Variants in ANO10 observed in about 807,000 individuals in gnomAD.
ANO10 encodes the protein anoctamin 10.
In ANO10, 77 loss-of-function variants were observed where a neutral mutation model predicts 74.7. The observed-to-expected ratio is 1.03, with a 90% confidence interval of 0.86 to 1.25. The LOEUF (loss-of-function observed/expected upper bound fraction) is 1.25. Ranked by LOEUF, ANO10 falls within the 50% of genes most tolerant of loss-of-function variation. The probability of loss-of-function intolerance (pLI) is 0.00; values close to 1 mark genes in which losing one functional copy is unlikely to be tolerated. For synonymous variants in ANO10, 279 were observed against 284.9 expected (o/e 0.98, Z 0.21); for missense variants, 721 against 778.1 (o/e 0.93, Z 0.87).
chr3:43,653,313 A>G (rs182249420), intron 1 of ANO10, among the ~76,000 whole-genome samples: 125 of 152,360 alleles, frequency 8.2e-4, no homozygotes, highest in African/African-American at 2.7e-3. Flanking sequence ...CAAGAAACAC[A>G]TATAAAAGTA....
At chr3:43,508,917 C>T (rs1267750937) in intron 11 of ANO10, among the ~76,000 whole-genome samples, 1 of 133,800 alleles carries the variant, frequency 7.5e-6, no homozygotes, top group Non-Finnish European at 1.6e-5. Flanking sequence ...ACGTTGTGCA[C>T]ATGTACCCTA....
intron 11 of ANO10, among the ~76,000 whole-genome samples, chr3:43,491,490 G>A (rs904785469): frequency 4.6e-5 from 7 of 152,058 alleles, no homozygotes; most frequent in African/African-American, 1.5e-4. Context: ...CTCCAGCCTG[G>A]GGGATAGAGT....
chr3:43,604,774 A>G (rs1189832979), intron 2 of ANO10, among the ~76,000 whole-genome samples: 2 of 152,154 alleles, frequency 1.3e-5, no homozygotes, highest in Non-Finnish European at 2.9e-5. Context: ...AATCTTTCAC[A>G]CTGAAACACT....
intron 11 of ANO10, among the ~76,000 whole-genome samples, chr3:43,451,918 G>A (rs953609617): frequency 6.6e-6 from 1 of 152,152 alleles, no homozygotes; most frequent in African/African-American, 2.4e-5. Flanking sequence ...ATGGCTTTCT[G>A]TTGTTGGTTT....
intron 12 of ANO10, among the ~76,000 whole-genome samples, chr3:43,384,969 C>CAGAGTT (rs1374367247): frequency 2.6e-5 from 4 of 152,116 alleles, no homozygotes; most frequent in African/African-American, 9.7e-5. Flanking sequence ...AAACAATCAG[C>CAGAGTT]AGAGTTAACA....
At chr3:43,491,391 G>A (rs927348677) in intron 11 of ANO10, among the ~76,000 whole-genome samples, 2 of 152,128 alleles carry the variant, frequency 1.3e-5, no homozygotes, top group Admixed American at 1.3e-4. Flanking sequence ...GCAGGCACCT[G>A]TAATCCCAGC....
rs1456773844 is a variant in ANO10 at position 43,617,397 on chromosome 3, G to A, written c.-12+4512C>T. The stretch of plus-strand genomic sequence containing the variant: ...GCAGCCAGGCTGATTATAAGGCACA[G>A]AGCAGCCAGGTTCCACACAGACCCT... On this transcript the variant is annotated intron_variant, in intron 1 of 12. Transcript: ENST00000292246. 2.0e-5 allele frequency among the ~76,000 whole-genome samples: 3 copies of A among 152,076 alleles called. No homozygotes were observed. The East Asian group carries it at 5.8e-4, about 29-fold the overall frequency.
intron 11 of ANO10, chr3:43,485,667 AG>A (rs1195312264): frequency 2.8e-5 from 5 of 181,222 alleles, no homozygotes; most frequent in Non-Finnish European, 5.9e-5. Context: ...CTTCACCCGC[AG>A]TGGGGGCTTC....
At chr3:43,528,589 TATA>T (rs1201017023) in intron 11 of ANO10, among the ~76,000 whole-genome samples, 3 of 150,908 alleles carry the variant, frequency 2.0e-5, no homozygotes, top group Non-Finnish European at 4.4e-5. Flanking sequence ...CAAATGAAAA[TATA>T]ATAAGGGACA....
chr3:43,475,128 ATGTCACGGC>A (rs1559586912), intron 11 of ANO10, among the ~76,000 whole-genome samples: 2 of 152,190 alleles, frequency 1.3e-5, no homozygotes, highest in East Asian at 3.8e-4. Context: ...ACTTAGCACT[ATGTCACGGC>A]TGTCTTTCCA....
At chr3:43,545,975 T>G (rs2079173168) in intron 11 of ANO10, among the ~76,000 whole-genome samples, 1 of 152,240 alleles carries the variant, frequency 6.6e-6, no homozygotes, top group Non-Finnish European at 1.5e-5. Context: ...CAGATGGCAT[T>G]CAGCTGAGGT....
chr3:43,561,834 T>C (rs2080051302), intron 8 of ANO10, among the ~76,000 whole-genome samples: 1 of 152,230 alleles, frequency 6.6e-6, no homozygotes, highest in African/African-American at 2.4e-5. Flanking sequence ...TTGTCAATTC[T>C]ACAACTTTAA....
intron 12 of ANO10, among the ~76,000 whole-genome samples, chr3:43,409,685 G>T (rs1559517889): frequency 6.6e-6 from 1 of 152,216 alleles, no homozygotes; most frequent in East Asian, 1.9e-4. Context: ...TTACCGCAAA[G>T]AACTGGAATG....
intron 11 of ANO10, among the ~76,000 whole-genome samples, chr3:43,443,578 A>C (rs2148972143): frequency 6.6e-6 from 1 of 152,276 alleles, no homozygotes; most frequent in Non-Finnish European, 1.5e-5. Context: ...ATCTAAAAGA[A>C]GTATACAGGG....
At chr3:43,374,096 T>TG (rs1447722692) in intron 12 of ANO10, among the ~76,000 whole-genome samples, 7 of 152,186 alleles carry the variant, frequency 4.6e-5, no homozygotes, top group African/African-American at 1.7e-4. Flanking sequence ...AGATGGTTCC[T>TG]CCAGGCTGTG....
intron 11 of ANO10, among the ~76,000 whole-genome samples, chr3:43,461,571 A>G (rs529632061): frequency 1.3e-5 from 2 of 152,316 alleles, no homozygotes; most frequent in East Asian, 1.9e-4. Flanking sequence ...ATGTTAGTGA[A>G]TAAGTCTCAC....
rs566846013 is a variant in ANO10 at position 43,657,936 on chromosome 3, T to G, written c.-12+33581A>C. 1.6e-4 allele frequency among the ~76,000 whole-genome samples: 25 copies of G among 152,344 alleles called. 2 individuals carry two copies. In the South Asian group the frequency reaches 5.0e-3, roughly 30 times the overall value. On this transcript the variant is annotated intron_variant, in intron 1 of 3. Coordinates refer to the ANO10 transcript ENST00000413397. Reference sequence around the variant, plus strand: ...AAGTTATATAGCCCTTAATTCTTTCTTTTAAGATGTGTATTCCGTCTGGAT... The same window carrying G: ...AAGTTATATAGCCCTTAATTCTTTCGTTTAAGATGTGTATTCCGTCTGGAT...
chr3:43,487,455 G>A (rs1349308660), intron 11 of ANO10, among the ~76,000 whole-genome samples: 5 of 151,770 alleles, frequency 3.3e-5, no homozygotes, highest in Admixed American at 2.0e-4. Context: ...TGGTTGGTAA[G>A]CTATTGATTA....
At chr3:43,478,281 T>C (rs1427151568) in intron 11 of ANO10, among the ~76,000 whole-genome samples, 2 of 152,200 alleles carry the variant, frequency 1.3e-5, no homozygotes, top group African/African-American at 2.4e-5. Flanking sequence ...TGCAAAATGA[T>C]AATTCTGAAA....
Sources: allele counts gnomAD v4.1 joint callset (sites outside exome capture counted in the v4.1 genomes callset), GRCh38; gene constraint gnomAD v4.1.1; transcripts MANE v1.5; gene names NCBI Gene and HGNC (gene_info 2026-07-23, HGNC 2026-07-21).